SLC44A5: variants seen among roughly 807,000 people sequenced by gnomAD.
SLC44A5 encodes the protein choline transporter-like protein 5.
Under a neutral mutation model 101.8 loss-of-function variants are expected in SLC44A5, and 57 were observed. That is an observed-to-expected ratio of 0.56 (90% CI 0.45 to 0.70). The LOEUF (loss-of-function observed/expected upper bound fraction) is 0.70. SLC44A5 is among the 30% of genes least tolerant of loss of function. The pLI, the probability that SLC44A5 is intolerant of heterozygous loss-of-function variation, is 0.00. For missense variants in SLC44A5, 737 were observed against 853.1 expected (o/e 0.86, Z 1.70); for synonymous variants, 281 against 290.9 (o/e 0.97, Z 0.35).
At chr1:75,220,671 C>T (rs615372) in intron 14 of SLC44A5, among the ~76,000 whole-genome samples, 68,521 of 151,930 alleles carry the variant, frequency 0.45, 16,389 homozygotes, top group African/African-American at 0.6. Flanking sequence ...CTGACTGCAT[C>T]ACTTCTAATG....
intron 2 of SLC44A5, among the ~76,000 whole-genome samples, chr1:75,501,882 A>G (rs1482811248): frequency 6.6e-6 from 1 of 152,242 alleles, no homozygotes; most frequent in Non-Finnish European, 1.5e-5. Context: ...CAGCAAAATA[A>G]TTAACTTCCA....
chr1:75,363,161 A>G (rs1659618055), intron 3 of SLC44A5, among the ~76,000 whole-genome samples: 2 of 151,760 alleles, frequency 1.3e-5, no homozygotes, highest in Non-Finnish European at 2.9e-5. Flanking sequence ...ATCTTTTTCT[A>G]TCTTTTCACT....
chr1:75,429,552 C>G (rs184351652), intron 2 of SLC44A5, among the ~76,000 whole-genome samples: 1 of 152,124 alleles, frequency 6.6e-6, no homozygotes, highest in South Asian at 2.1e-4. Context: ...TAAAGGAATA[C>G]CCGAGACTAA....
chr1:75,252,952 C>T (rs1649706525), intron 6 of SLC44A5, among the ~76,000 whole-genome samples: 1 of 152,138 alleles, frequency 6.6e-6, no homozygotes, highest in Non-Finnish European at 1.5e-5. Context: ...CATGAAAGAA[C>T]TATTCAGTGA....
At chr1:75,672,343 T>C in the SLC44A5 span, among the ~76,000 whole-genome samples, 1 of 152,038 alleles carries the variant, frequency 6.6e-6, no homozygotes, top group African/African-American at 2.4e-5. Context: ...AGTGCCGCAC[T>C]GTCACAGTGG....
the SLC44A5 span, among the ~76,000 whole-genome samples, chr1:75,716,165 A>T: frequency 1.3e-5 from 2 of 152,186 alleles, no homozygotes; most frequent in African/African-American, 4.8e-5. Flanking sequence ...AACATAACAG[A>T]TGCTGGCAAG....
chr1:75,634,742 C>A, the SLC44A5 span, among the ~76,000 whole-genome samples: 1 of 151,674 alleles, frequency 6.6e-6, no homozygotes, highest in South Asian at 2.1e-4. Flanking sequence ...CCATTCAGGA[C>A]ATAGGCATGG....
intron 3 of SLC44A5, among the ~76,000 whole-genome samples, chr1:75,372,208 A>C (rs1419242513): frequency 6.6e-6 from 1 of 151,908 alleles, no homozygotes; most frequent in Non-Finnish European, 1.5e-5. Context: ...AAAAAAAAAA[A>C]AAAAAAAACC....
At chr1:75,493,885 C>G (rs1385059361) in intron 2 of SLC44A5, among the ~76,000 whole-genome samples, 1 of 152,152 alleles carries the variant, frequency 6.6e-6, no homozygotes, top group Non-Finnish European at 1.5e-5. Flanking sequence ...AGGAAATTCT[C>G]ACTTCAAAGC....
At chr1:75,272,021 G>A (rs1045092991) in intron 6 of SLC44A5, among the ~76,000 whole-genome samples, 1 of 152,042 alleles carries the variant, frequency 6.6e-6, no homozygotes, top group Non-Finnish European at 1.5e-5. Context: ...GCAGTAGTAA[G>A]GTGGAATCTC....
intron 2 of SLC44A5, among the ~76,000 whole-genome samples, chr1:75,531,364 G>A (rs532004371): frequency 1.8e-4 from 28 of 152,228 alleles, no homozygotes; most frequent in African/African-American, 6.7e-4. Flanking sequence ...TCAGAGAACT[G>A]GTATCCCAAG....
At chr1:75,549,877 G>A (rs1433411563) in intron 1 of SLC44A5, among the ~76,000 whole-genome samples, 2 of 152,034 alleles carry the variant, frequency 1.3e-5, no homozygotes, top group Non-Finnish European at 2.9e-5. Context: ...GGGAAATTGG[G>A]GAAAGTAAAC....
upstream of SLC44A5, among the ~76,000 whole-genome samples, chr1:75,615,416 T>TACACAC (rs3031479): frequency 7.6e-6 from 1 of 131,700 alleles, no homozygotes; most frequent in African/African-American, 3.0e-5. Flanking sequence ...CTCTCTCTCT[T>TACACAC]ACACACACAC....
chr1:75,396,501 G>T lies in SLC44A5; in HGVS notation c.52+82C>A, dbSNP rs532181889. 1.2e-5 allele frequency: 14 copies of T among 1,159,274 alleles called. No individual in the cohort carries two copies. In the African/African-American group the frequency reaches 2.0e-4, roughly 16 times the overall value. 71.8% of individuals were successfully genotyped at this position (1,159,274 alleles called of 1,614,324 possible). A position where few individuals can be genotyped will look rare whatever the true frequency, so the allele number is the denominator to read the frequency against. ...CCAAACAAATATTTCGCTATTCCTA[G>T]ATTTTAAAAGAATCACATATTTCTC... On this transcript the variant is annotated intron_variant, in intron 3 of 23. Coordinates refer to ENST00000370859, the MANE Select transcript of SLC44A5 (RefSeq NM_001130058.2).
intron 2 of SLC44A5, among the ~76,000 whole-genome samples, chr1:75,508,924 T>C (rs1287765792): frequency 6.6e-6 from 1 of 152,200 alleles, no homozygotes; most frequent in Admixed American, 6.5e-5. Flanking sequence ...CCACAGTGGG[T>C]TTTTCTAGAC....
At chr1:75,655,401 G>A in the SLC44A5 span, among the ~76,000 whole-genome samples, 1 of 152,234 alleles carries the variant, frequency 6.6e-6, no homozygotes, top group Non-Finnish European at 1.5e-5. Flanking sequence ...GGAATCTGAT[G>A]TCTAGCAAGA....
intron 2 of SLC44A5, among the ~76,000 whole-genome samples, chr1:75,421,320 C>A (rs943849934): frequency 6.6e-6 from 1 of 152,034 alleles, no homozygotes. Flanking sequence ...TAAAGACACC[C>A]TATTTCGCCT....
rs1268315978 is a variant in SLC44A5, at chr1:75,410,558, TAAAG to T, written c.14-13941_14-13938del. Among the ~76,000 whole-genome samples the T allele has an allele frequency of 2.0e-5, 3 of 152,102 alleles. No individual in the cohort carries two copies. The East Asian group carries it at 5.8e-4, about 29-fold the overall frequency. Reference sequence around the variant, plus strand: ...TCTAGAATTAGAACTGTCTTTTGAATAAAGAAAGGTCCAGCCTCTTTCCTTATCA... The same window carrying T: ...TCTAGAATTAGAACTGTCTTTTGAATAAAGGTCCAGCCTCTTTCCTTATCA... On this transcript the variant is annotated intron_variant, in intron 2 of 23. Transcript: ENST00000370859.
chr1:75,677,695 TA>T, the SLC44A5 span: 18 of 419,992 alleles, frequency 4.3e-5, no homozygotes, highest in Admixed American at 8.8e-5. Context: ...ACTAAATGCA[TA>T]AAAAAAACAA....
Sources: gnomAD v4.1 joint callset for allele counts (sites outside exome capture counted in the v4.1 genomes callset) on GRCh38, gnomAD v4.1.1 for gene constraint, MANE v1.5 for transcripts, NCBI Gene and HGNC (gene_info 2026-07-23, HGNC 2026-07-21) for gene names.